Variants in LINGO2 observed in about 807,000 individuals in gnomAD.
The protein encoded by LINGO2 is leucine rich repeat and Ig domain containing 2.
Under a neutral mutation model 30.6 loss-of-function variants are expected in LINGO2, and 14 were observed. That is an observed-to-expected ratio of 0.46 (90% CI 0.30 to 0.72). LINGO2 has a LOEUF of 0.72. Among genes scored for constraint, LINGO2 ranks in the 30% least tolerant of loss-of-function variants. The probability of loss-of-function intolerance (pLI) is 0.07; values close to 1 mark genes in which losing one functional copy is unlikely to be tolerated. For synonymous variants in LINGO2, 317 were observed against 288.5 expected (o/e 1.10, Z -1.00); for missense variants, 729 against 751.7 (o/e 0.97, Z 0.35).
chr9:27,966,656 G>T (rs1820115657), intron 5 of LINGO2, among the ~76,000 whole-genome samples: 1 of 152,038 alleles, frequency 6.6e-6, no homozygotes, highest in Admixed American at 6.6e-5. Context: ...GTTGATAGCT[G>T]CAGCAAACCA....
intron 1 of LINGO2, among the ~76,000 whole-genome samples, chr9:28,505,416 T>C (rs918689764): frequency 6.6e-6 from 1 of 151,880 alleles, no homozygotes; most frequent in Non-Finnish European, 1.5e-5. Context: ...ACTAACAAAT[T>C]TGTTGGATAT....
intron 2 of LINGO2, among the ~76,000 whole-genome samples, chr9:28,434,221 G>A (rs1823818824): frequency 6.6e-6 from 1 of 151,198 alleles, no homozygotes. Flanking sequence ...AGAGGGTTGT[G>A]AGGGATAAAA....
At chr9:27,995,816 C>T (rs992548008) in intron 5 of LINGO2, among the ~76,000 whole-genome samples, 6 of 152,054 alleles carry the variant, frequency 3.9e-5, no homozygotes, top group African/African-American at 1.4e-4. Context: ...GACAAGGATG[C>T]CCAATTTCAC....
At chr9:28,488,519 T>C (rs1237445659) in intron 1 of LINGO2, among the ~76,000 whole-genome samples, 1 of 152,112 alleles carries the variant, frequency 6.6e-6, no homozygotes, top group Non-Finnish European at 1.5e-5. Context: ...TCAGTTAAGG[T>C]CTTAGCACTG....
the LINGO2 span, among the ~76,000 whole-genome samples, chr9:28,702,284 G>A: frequency 6.6e-6 from 1 of 151,722 alleles, no homozygotes; most frequent in Non-Finnish European, 1.5e-5. Context: ...TCTTTACCAA[G>A]TAGAAGAAGT....
chr9:29,077,539 A>G, the LINGO2 span, among the ~76,000 whole-genome samples: 9 of 152,088 alleles, frequency 5.9e-5, no homozygotes, highest in Non-Finnish European at 1.2e-4. Flanking sequence ...TGCTTGTTAA[A>G]TCAAATTAAC....
At chr9:28,985,878 T>A in the LINGO2 span, among the ~76,000 whole-genome samples, 2 of 152,216 alleles carry the variant, frequency 1.3e-5, no homozygotes, top group Non-Finnish European at 2.9e-5. Flanking sequence ...TAATCCCATT[T>A]GTCTATTTTC....
At chr9:28,036,671 C>G (rs982143906) in intron 4 of LINGO2, among the ~76,000 whole-genome samples, 19 of 152,194 alleles carry the variant, frequency 1.2e-4, no homozygotes, top group African/African-American at 3.9e-4. Flanking sequence ...CCTGAGTTGA[C>G]TCATAAGTCC....
the LINGO2 span, among the ~76,000 whole-genome samples, chr9:28,767,785 CAAAAAAA>C: frequency 3.6e-4 from 35 of 97,076 alleles, no homozygotes; most frequent in South Asian, 6.3e-3. Context: ...GACTCCATTT[CAAAAAAA>C]AAAAAAAAAA....
At chr9:28,768,557 G>T in the LINGO2 span, among the ~76,000 whole-genome samples, 4 of 151,146 alleles carry the variant, frequency 2.6e-5, no homozygotes, top group Non-Finnish European at 4.4e-5. Context: ...GAGCACTGGA[G>T]ATGTTCACCT....
At chr9:28,730,830 A>G in the LINGO2 span, among the ~76,000 whole-genome samples, 1 of 152,172 alleles carries the variant, frequency 6.6e-6, no homozygotes. Flanking sequence ...ACCTATCAGA[A>G]TAGTAGGAAC....
At chr9:29,036,156 A>G in the LINGO2 span, among the ~76,000 whole-genome samples, 1 of 152,110 alleles carries the variant, frequency 6.6e-6, no homozygotes, top group South Asian at 2.1e-4. Context: ...ATTTATCAAT[A>G]CTTACACTAC....
At chr9:28,549,521 GC>G in intron 1 of LINGO2, among the ~76,000 whole-genome samples, 1 of 151,896 alleles carries the variant, frequency 6.6e-6, no homozygotes, top group African/African-American at 2.4e-5. Flanking sequence ...GTTCATCTAT[GC>G]TTTTACTAGA....
intron 4 of LINGO2, among the ~76,000 whole-genome samples, chr9:28,095,229 T>C (rs927139070): frequency 6.6e-5 from 10 of 152,118 alleles, no homozygotes; most frequent in African/African-American, 2.4e-4. Context: ...CTATGACCAC[T>C]GAAATGCTCT....
chr9:28,260,955 G>C (rs1236099668), intron 4 of LINGO2, among the ~76,000 whole-genome samples: 1 of 151,856 alleles, frequency 6.6e-6, no homozygotes, highest in Non-Finnish European at 1.5e-5. Flanking sequence ...GTCACCATCA[G>C]AAATCTTGGT....
chr9:28,441,251 C>CTTTTTTTTTTTTTTTTTTTTTTTT lies in LINGO2; in HGVS notation c.-279+34665_-279+34688dup, dbSNP rs72213590. ...TATAGCAGTATAAATTCATTGGAGG[C>CTTTTTTTTTTTTTTTTTTTTTTTT]TTTTTTTTTTTTTTTTTTTTTTTTT... On this transcript the variant is annotated intron_variant, in intron 2 of 5. Coordinates refer to ENST00000379992, the Ensembl canonical transcript of LINGO2. 8.3e-5 allele frequency among the ~76,000 whole-genome samples: 3 copies of CTTTTTTTTTTTTTTTTTTTTTTTT among 36,262 alleles called. 1 individual carries two copies. Among genetic ancestry groups the CTTTTTTTTTTTTTTTTTTTTTTTT allele is most frequent in the Admixed American group, 9.1e-4 (2 of 2,192 alleles). 23.8% of individuals were successfully genotyped at this position (36,262 alleles called of 152,430 possible). A position where few individuals can be genotyped will look rare whatever the true frequency, so the allele number is the denominator to read the frequency against.
the LINGO2 span, among the ~76,000 whole-genome samples, chr9:28,987,985 T>A: frequency 2.6e-5 from 4 of 152,206 alleles, no homozygotes; most frequent in Non-Finnish European, 5.9e-5. Context: ...TAGGTTTGCC[T>A]TAGAAGAGTG....
chr9:28,028,319 C>G (rs79388928), intron 4 of LINGO2, among the ~76,000 whole-genome samples: 1 of 152,226 alleles, frequency 6.6e-6, no homozygotes, highest in African/African-American at 2.4e-5. Context: ...TTTATTTCAT[C>G]GATTCTCATC....
the LINGO2 span, among the ~76,000 whole-genome samples, chr9:29,151,723 C>T: frequency 6.6e-6 from 1 of 152,106 alleles, no homozygotes; most frequent in African/African-American, 2.4e-5. Context: ...ACACATAAAA[C>T]ACTGAAGCAC....
Sources: gnomAD v4.1 joint callset for allele counts (sites outside exome capture counted in the v4.1 genomes callset) on GRCh38, gnomAD v4.1.1 for gene constraint, MANE v1.5 for transcripts, NCBI Gene and HGNC (gene_info 2026-07-23, HGNC 2026-07-21) for gene names.